The following PTPN13 variants were observed in gnomAD, a reference collection of about 807,000 sequenced individuals.
The protein encoded by PTPN13 is protein tyrosine phosphatase non-receptor type 13.
A neutral mutation model predicts 284.0 loss-of-function variants in PTPN13; 191 were observed. The ratio of observed to expected loss-of-function variants is 0.67; its 90% CI spans 0.60 to 0.76. The LOEUF is 0.76. Ranked by LOEUF, PTPN13 falls within the 30% of genes least tolerant of loss-of-function variation. The probability of loss-of-function intolerance (pLI) is 0.00; values close to 1 mark genes in which losing one functional copy is unlikely to be tolerated. For missense variants in PTPN13, 2,797 were observed against 2,939.9 expected, an observed-to-expected ratio of 0.95 and a Z score of 1.12; for synonymous variants, 986 against 1,022.3, an observed-to-expected ratio of 0.96 and a Z score of 0.68.
intron 40 of PTPN13, among the ~76,000 whole-genome samples, chr4:86,787,422 G>C (rs979627769): frequency 3.1e-4 from 47 of 151,420 alleles, no homozygotes; most frequent in African/African-American, 1.1e-3. Flanking sequence ...GAGAAACCCC[G>C]TCTCTACTAA....
At chr4:86,675,866 G>C (rs760735698) in intron 3 of PTPN13, among the ~76,000 whole-genome samples, 6 of 152,122 alleles carry the variant, frequency 3.9e-5, no homozygotes, top group Non-Finnish European at 8.8e-5. Flanking sequence ...TTTGAATCAA[G>C]TTCCTGTTGT....
chr4:86,668,796 G>A (rs1320784230), intron 2 of PTPN13, among the ~76,000 whole-genome samples: 6 of 147,244 alleles, frequency 4.1e-5, no homozygotes, highest in East Asian at 2.0e-4. Context: ...TAGTAGAGAC[G>A]GGGTTTCTCT....
chr4:86,698,823 A>G (rs1730837120), intron 6 of PTPN13, among the ~76,000 whole-genome samples: 1 of 152,192 alleles, frequency 6.6e-6, no homozygotes, highest in South Asian at 2.1e-4. Flanking sequence ...GAAGTAAGAA[A>G]TGGGAGATAG....
At chr4:86,774,205 TCAGA>T (rs1451333482) in intron 32 of PTPN13, among the ~76,000 whole-genome samples, 164 bp from the exon 33 acceptor site, 8 of 152,122 alleles carry the variant, frequency 5.3e-5, no homozygotes, top group Non-Finnish European at 1.2e-4. Context: ...CTGTCTAGAA[TCAGA>T]CAGACTGTCT....
rs979365584 is a variant in PTPN13, at chr4:86,681,386, G to A, written c.295-5324G>A. On this transcript the variant is annotated intron_variant, in intron 3 of 47. Transcript: ENST00000411767. ...TTTGACAATATCTGGAGACAATTTT[G>A]GTTGTCATAACTGAGAGGGTATGAG... Among the ~76,000 whole-genome samples, 4 of 152,106 alleles carry A rather than the reference G, an allele frequency of 2.6e-5. No individual in the cohort carries two copies. In the South Asian group the frequency reaches 8.3e-4, roughly 32 times the overall value.
At chr4:86,717,411 A>C (rs1488540924) in intron 9 of PTPN13, among the ~76,000 whole-genome samples, 2 of 151,584 alleles carry the variant, frequency 1.3e-5, no homozygotes, top group Non-Finnish European at 2.9e-5. Flanking sequence ...CTGGTCTCGA[A>C]CTCCTGACCT....
chr4:86,745,706 G>GCGGA (rs1444334844), intron 17 of PTPN13, among the ~76,000 whole-genome samples: 1 of 152,026 alleles, frequency 6.6e-6, no homozygotes, highest in Admixed American at 6.6e-5. Flanking sequence ...AACCTGGGAG[G>GCGGA]CGGAGGTTGC....
At chr4:86,696,900 T>C (rs1017650416) in intron 6 of PTPN13, among the ~76,000 whole-genome samples, 4 of 152,058 alleles carry the variant, frequency 2.6e-5, no homozygotes, top group Admixed American at 1.3e-4. Flanking sequence ...GAGAGTATTC[T>C]TTAGACCTTC....
At chr4:86,795,126 C>T (rs1163440532) in intron 40 of PTPN13, among the ~76,000 whole-genome samples, 5 of 152,094 alleles carry the variant, frequency 3.3e-5, no homozygotes, top group Non-Finnish European at 7.4e-5. Flanking sequence ...TGGGAGAAAA[C>T]TTTTGCAATC....
At chr4:86,803,407 A>G (rs1415924857) in intron 42 of PTPN13, among the ~76,000 whole-genome samples, 2 of 152,088 alleles carry the variant, frequency 1.3e-5, no homozygotes, top group Admixed American at 6.6e-5. Context: ...CCTGGGCAAC[A>G]TAGGGAGACC....
chr4:86,686,837 A>C, intron 4 of PTPN13, 62 bp downstream of exon 4: 3 of 1,147,840 alleles, frequency 2.6e-6, no homozygotes, highest in Non-Finnish European at 3.8e-6. Flanking sequence ...ACCTTATATC[A>C]TAGCTCTTCC....
intron 24 of PTPN13, among the ~76,000 whole-genome samples, chr4:86,764,256 A>T (rs1026362285): frequency 4.6e-5 from 7 of 152,200 alleles, no homozygotes; most frequent in African/African-American, 1.4e-4. Context: ...ACTGGGTTCT[A>T]TATAGGTTTC....
At chr4:86,700,485 A>G (rs920035294) in intron 6 of PTPN13, among the ~76,000 whole-genome samples, 2 of 152,206 alleles carry the variant, frequency 1.3e-5, no homozygotes, top group African/African-American at 4.8e-5. Context: ...AAAAAAAAGT[A>G]AAATGACTAC....
intron 6 of PTPN13, among the ~76,000 whole-genome samples, chr4:86,697,010 A>C (rs2148990437): frequency 6.6e-6 from 1 of 152,170 alleles, no homozygotes; most frequent in Non-Finnish European, 1.5e-5. Context: ...AACCAATATA[A>C]ATATACTAAT....
chr4:86,764,119 C>G (rs1201514365), intron 24 of PTPN13, among the ~76,000 whole-genome samples: 2 of 151,864 alleles, frequency 1.3e-5, no homozygotes, highest in East Asian at 3.9e-4. Flanking sequence ...ACATGAAATC[C>G]CATTTTAGAG....
At chr4:86,646,959 A>G (rs1489174402) in intron 2 of PTPN13, among the ~76,000 whole-genome samples, 1 of 152,236 alleles carries the variant, frequency 6.6e-6, no homozygotes, top group Non-Finnish European at 1.5e-5. Flanking sequence ...AGGAAGTCAG[A>G]CAAAAAAATA....
chr4:86,705,599 T>G (rs1731673203), intron 7 of PTPN13, among the ~76,000 whole-genome samples: 1 of 152,150 alleles, frequency 6.6e-6, no homozygotes. Flanking sequence ...TTTGTACAAT[T>G]TTTGTGATCT....
intron 3 of PTPN13, among the ~76,000 whole-genome samples, chr4:86,675,239 T>C (rs1728144908): frequency 6.6e-6 from 1 of 152,202 alleles, no homozygotes; most frequent in Non-Finnish European, 1.5e-5. Flanking sequence ...CATGTTAAAG[T>C]TGATTTCTTA....
intron 7 of PTPN13, among the ~76,000 whole-genome samples, chr4:86,708,863 T>C (rs1261021412): frequency 3.3e-5 from 5 of 151,930 alleles, no homozygotes; most frequent in Admixed American, 3.3e-4. Flanking sequence ...CCCATGATTA[T>C]ATCTCTCCTC....
Sources: gnomAD v4.1 joint callset for allele counts (sites outside exome capture counted in the v4.1 genomes callset) on GRCh38, gnomAD v4.1.1 for gene constraint, MANE v1.5 for transcripts, NCBI Gene and HGNC (gene_info 2026-07-23, HGNC 2026-07-21) for gene names.